Variants in PCBP3 observed in about 807,000 individuals in gnomAD.
PCBP3 encodes poly(rC) binding protein 3.
In PCBP3, 25 loss-of-function variants were observed where a neutral mutation model predicts 52.7. The ratio of observed to expected loss-of-function variants is 0.47; its 90% CI spans 0.35 to 0.66. PCBP3 has a LOEUF of 0.66. Among genes scored for constraint, PCBP3 ranks in the 30% least tolerant of loss-of-function variants. PCBP3 has a pLI of 0.01. For synonymous variants in PCBP3, 162 were observed against 183.0 expected (o/e 0.89, Z 0.93); for missense variants, 391 against 490.3 (o/e 0.80, Z 1.91).
intron 5 of PCBP3, among the ~76,000 whole-genome samples, chr21:45,867,167 T>A (rs1392248618): frequency 2.0e-5 from 3 of 152,084 alleles, no homozygotes; most frequent in African/African-American, 7.2e-5. Flanking sequence ...GGGGAGGGCA[T>A]CCTAGGCAGA....
rs1353741344 is a variant in PCBP3, at chr21:45,850,213, C to T, written c.10+118C>T. 1.2e-5 allele frequency: 10 copies of T among 837,182 alleles called. No individual in the cohort carries two copies. The African/African-American group carries it at 1.5e-4, about 13-fold the overall frequency. 51.9% of individuals were successfully genotyped at this position (837,182 alleles called of 1,614,324 possible). On this transcript the variant is annotated intron_variant, in intron 5 of 17. Coordinates refer to ENST00000681687, the MANE Select transcript of PCBP3 (RefSeq NM_001384156.1). Reference sequence around the variant, plus strand: ...AAGTGACACAGTGCTGTATTTCACCCTGCTTCAGTCCACAATGTGCCCTGA... The same window carrying T: ...AAGTGACACAGTGCTGTATTTCACCTTGCTTCAGTCCACAATGTGCCCTGA...
chr21:45,808,137 G>T lies in PCBP3; in HGVS notation c.-125-41824G>T, dbSNP rs1398591152. Reference sequence around the variant, plus strand: ...AATACCATTCAGGACATAGGCATGGGCAAAGACTTATGACTAAAACCAAAA... The same window carrying T: ...AATACCATTCAGGACATAGGCATGGTCAAAGACTTATGACTAAAACCAAAA... On this transcript the variant is annotated intron_variant, in intron 4 of 17. Transcript: ENST00000681687. 9.2e-5 allele frequency among the ~76,000 whole-genome samples: 14 copies of T among 152,150 alleles called. 1 individual carries two copies.
At chr21:45,745,641 G>A (rs2086773938) in intron 3 of PCBP3, among the ~76,000 whole-genome samples, 1 of 152,238 alleles carries the variant, frequency 6.6e-6, no homozygotes. Flanking sequence ...TGTGCCAGGT[G>A]ACCCTCTCTG....
At chr21:45,686,034 T>C (rs1423527443) in intron 2 of PCBP3, among the ~76,000 whole-genome samples, 1 of 151,218 alleles carries the variant, frequency 6.6e-6, no homozygotes, top group African/African-American at 2.4e-5. Flanking sequence ...TTCTCCTGCC[T>C]CAGCCTCCTG....
At chr21:45,892,489 G>C (rs564116441) in intron 5 of PCBP3, among the ~76,000 whole-genome samples, 5 of 146,152 alleles carry the variant, frequency 3.4e-5, no homozygotes, top group South Asian at 4.3e-4. Flanking sequence ...GGGCGGTCCC[G>C]TCTCTCACGG....
At chr21:45,776,963 C>G (rs1333220589) in intron 4 of PCBP3, among the ~76,000 whole-genome samples, 1 of 152,094 alleles carries the variant, frequency 6.6e-6, no homozygotes, top group African/African-American at 2.4e-5. Flanking sequence ...TCTAGTGGTA[C>G]CATTTAAGCC....
At chr21:45,823,968 C>T (rs2093229564) in intron 4 of PCBP3, among the ~76,000 whole-genome samples, 2 of 152,160 alleles carry the variant, frequency 1.3e-5, no homozygotes, top group Non-Finnish European at 2.9e-5. Context: ...TCTCAAACTC[C>T]TGACCTCACG....
chr21:45,688,898 A>C (rs1391806272), intron 2 of PCBP3, among the ~76,000 whole-genome samples: 1 of 151,964 alleles, frequency 6.6e-6, no homozygotes, highest in South Asian at 2.1e-4. Context: ...CAAATTACTA[A>C]AATTGACTCA....
At chr21:45,785,324 G>A (rs1412906119) in intron 4 of PCBP3, among the ~76,000 whole-genome samples, 228 of 146,498 alleles carry the variant, frequency 1.6e-3, no homozygotes, top group African/African-American at 4.9e-3. Flanking sequence ...CAGCCGCCCC[G>A]TCCGGGAGGG....
chr21:45,819,609 G>T (rs2093067930), intron 4 of PCBP3, among the ~76,000 whole-genome samples: 1 of 152,258 alleles, frequency 6.6e-6, no homozygotes, highest in African/African-American at 2.4e-5. Context: ...CGCCCACGCA[G>T]CCCTGAAGTC....
At chr21:45,768,842 C>T (rs1434478431) in intron 4 of PCBP3, among the ~76,000 whole-genome samples, 1 of 152,204 alleles carries the variant, frequency 6.6e-6, no homozygotes, top group Non-Finnish European at 1.5e-5. Context: ...GCCAGGCACC[C>T]CTGGCCTGCA....
intron 5 of PCBP3, among the ~76,000 whole-genome samples, chr21:45,862,834 C>T (rs957508697): frequency 6.6e-6 from 1 of 152,242 alleles, no homozygotes; most frequent in African/African-American, 2.4e-5. Flanking sequence ...GTGCTTTTCC[C>T]ATTACCGCCC....
chr21:45,685,344 G>A (rs1471114292), intron 2 of PCBP3, among the ~76,000 whole-genome samples: 1 of 152,000 alleles, frequency 6.6e-6, no homozygotes, highest in Non-Finnish European at 1.5e-5. Context: ...TTGCACAAAA[G>A]TGTGAATGTA....
chr21:45,815,839 G>A, intron 4 of PCBP3, among the ~76,000 whole-genome samples: 1 of 120,458 alleles, frequency 8.3e-6, no homozygotes, highest in Non-Finnish European at 1.7e-5. Flanking sequence ...TGAGTGAGTG[G>A]TGAGTGATGA....
intron 3 of PCBP3, chr21:45,750,304 G>A (rs749194587): frequency 1.3e-5 from 2 of 151,666 alleles, no homozygotes; most frequent in African/African-American, 4.8e-5. Context: ...CTTAGCCGTG[G>A]TTGGTTTCTG....
At chr21:45,844,816 T>G (rs2093771699) in intron 4 of PCBP3, among the ~76,000 whole-genome samples, 1 of 142,178 alleles carries the variant, frequency 7.0e-6, no homozygotes. Context: ...TACATATATA[T>G]AAAGTTATAT....
intron 4 of PCBP3, among the ~76,000 whole-genome samples, chr21:45,789,808 G>GT (rs2091415723): frequency 1.3e-5 from 2 of 152,156 alleles, no homozygotes; most frequent in African/African-American, 4.8e-5. Context: ...CCTGGGCCGA[G>GT]TTAGGTTCTC....
intron 4 of PCBP3, among the ~76,000 whole-genome samples, chr21:45,822,161 T>TA (rs2093159548): frequency 2.0e-5 from 3 of 152,178 alleles, no homozygotes. Context: ...TTTGCTCGTT[T>TA]GACCCTTTTG....
At chr21:45,686,796 G>A (rs1208519992) in intron 2 of PCBP3, among the ~76,000 whole-genome samples, 2 of 152,124 alleles carry the variant, frequency 1.3e-5, no homozygotes, top group South Asian at 2.1e-4. Context: ...CTGATTAGAT[G>A]TGTAGAAGAA....
Sources: gnomAD v4.1 joint callset for allele counts (sites outside exome capture counted in the v4.1 genomes callset) on GRCh38, gnomAD v4.1.1 for gene constraint, MANE v1.5 for transcripts, NCBI Gene and HGNC (gene_info 2026-07-23, HGNC 2026-07-21) for gene names.